The following GRM1 variants were observed in gnomAD, a reference collection of about 807,000 sequenced individuals.
GRM1 encodes metabotropic glutamate receptor 1.
GRM1 carries 33 observed loss-of-function variants against 90.9 expected under a neutral mutation model. The observed-to-expected ratio is 0.36, with a 90% CI of 0.28 to 0.49. The LOEUF is 0.49. Ranked by LOEUF, GRM1 falls within the 20% of genes least tolerant of loss-of-function variation. GRM1 has a pLI of 0.99. For missense variants in GRM1, 1,190 were observed against 1,534.3 expected (o/e 0.78, Z 3.75); for synonymous variants, 700 against 613.2 (o/e 1.14, Z -2.09).
intron 7 of GRM1, among the ~76,000 whole-genome samples, chr6:146,432,025 C>A (rs1482617277): frequency 6.6e-6 from 1 of 152,176 alleles, no homozygotes; most frequent in Non-Finnish European, 1.5e-5. Flanking sequence ...CACCACTGAC[C>A]TGTTCTTTAG....
At chr6:146,243,863 A>G (rs1780953831) in intron 2 of GRM1, among the ~76,000 whole-genome samples, 1 of 152,234 alleles carries the variant, frequency 6.6e-6, no homozygotes, top group East Asian at 1.9e-4. Context: ...TCCGTATAAG[A>G]CAGACATTCC....
rs1283922156 is a variant in GRM1, at chr6:146,301,056, CT to C, written c.951-3548del. 2.6e-5 allele frequency among the ~76,000 whole-genome samples: 4 copies of C among 152,088 alleles called. No homozygotes were observed. In the East Asian group the frequency reaches 5.8e-4, roughly 22 times the overall value. On this transcript the variant is annotated intron_variant, in intron 2 of 7. Coordinates refer to ENST00000282753, the MANE Select transcript of GRM1 (RefSeq NM_001278064.2). ...TTGCTTTAGAGATGTTTTCTAGTGA[CT>C]TTTTTTCATGATAGCATTCTCTAAC...
At chr6:146,352,579 C>T in intron 4 of GRM1, 83 bp downstream of exon 4, 1 of 1,407,354 alleles carries the variant, frequency 7.1e-7, no homozygotes, top group East Asian at 2.3e-5. Flanking sequence ...CATCTGGTTC[C>T]ATGGTTTCTG....
intron 3 of GRM1, among the ~76,000 whole-genome samples, chr6:146,321,899 G>A (rs1399829521): frequency 1.3e-5 from 2 of 152,074 alleles, no homozygotes; most frequent in East Asian, 3.9e-4. Context: ...TCACACTGAT[G>A]GGTCTTGACT....
intron 5 of GRM1, 116 bp from the exon 6 acceptor site, chr6:146,386,774 T>C: frequency 2.6e-6 from 2 of 760,644 alleles, no homozygotes; most frequent in Non-Finnish European, 4.5e-6. Context: ...CATATAAGAT[T>C]ATTTTCATAG....
intron 1 of GRM1, among the ~76,000 whole-genome samples, chr6:146,145,846 A>T (rs1777074334): frequency 6.6e-6 from 1 of 152,168 alleles, no homozygotes; most frequent in African/African-American, 2.4e-5. Flanking sequence ...GTGCAGTGCC[A>T]GTCTGGGACA....
At chr6:146,285,975 T>G (rs1210512259) in intron 2 of GRM1, among the ~76,000 whole-genome samples, 1 of 152,206 alleles carries the variant, frequency 6.6e-6, no homozygotes, top group Non-Finnish European at 1.5e-5. Context: ...AGGAAGTTAT[T>G]TTTTTGCATG....
In GRM1 at chr6:146,398,917, C is replaced by T; in HGVS notation, c.1878C>T (p.Ser626=). 7 of 1,614,102 alleles carry T rather than the reference C, an allele frequency of 4.3e-6. No individual in the cohort carries two copies. The highest frequency in any genetic ancestry group is 5.1e-6 in the Non-Finnish European group (6 of 1,179,990). ...LYRDTPVVKS[S]SRELCYIILA... is the part of the protein sequence containing the mutation. ...GGGACACACCAGTGGTCAAATCCTC[C>T]AGTCGGGAGCTCTGCTACATCATCC... The change falls in exon 7 of 8, where the codon TCC becomes TCT. Residue 626 remains serine, a synonymous_variant. Coordinates refer to ENST00000282753, the MANE Select transcript of GRM1 (RefSeq NM_001278064.2).
intron 1 of GRM1, among the ~76,000 whole-genome samples, chr6:146,117,777 A>T (rs1198369712): frequency 6.6e-6 from 1 of 152,126 alleles, no homozygotes; most frequent in Non-Finnish European, 1.5e-5. Context: ...CACATGTACA[A>T]TAGAGCTTTA....
intron 3 of GRM1, among the ~76,000 whole-genome samples, chr6:146,305,817 G>A (rs1406624339): frequency 1.3e-5 from 2 of 152,120 alleles, no homozygotes; most frequent in African/African-American, 4.8e-5. Flanking sequence ...AAACAAAGGG[G>A]GATAGAGAAG....
At chr6:146,337,912 A>C (rs2115008526) in intron 3 of GRM1, among the ~76,000 whole-genome samples, 2 of 152,376 alleles carry the variant, frequency 1.3e-5, no homozygotes, top group South Asian at 4.1e-4. Flanking sequence ...TATATTATAC[A>C]AAATGATAGT....
chr6:146,088,813 G>A (rs1195348429), intron 1 of GRM1, among the ~76,000 whole-genome samples: 1 of 152,042 alleles, frequency 6.6e-6, no homozygotes, highest in Non-Finnish European at 1.5e-5. Flanking sequence ...TCTTGCTAGG[G>A]GCAGTTTTCC....
intron 7 of GRM1, among the ~76,000 whole-genome samples, chr6:146,429,587 C>G (rs929723322): frequency 6.6e-6 from 1 of 152,174 alleles, no homozygotes; most frequent in Non-Finnish European, 1.5e-5. Context: ...GTTGAAATAT[C>G]TGGACAGCTG....
intron 1 of GRM1, among the ~76,000 whole-genome samples, chr6:146,125,648 T>C (rs554865009): frequency 1.3e-5 from 2 of 152,214 alleles, no homozygotes; most frequent in East Asian, 3.9e-4. Flanking sequence ...ATTTTGCGTT[T>C]ATCACATTTA....
At chr6:146,216,958 C>T (rs945377711) in intron 2 of GRM1, among the ~76,000 whole-genome samples, 1 of 152,080 alleles carries the variant, frequency 6.6e-6, no homozygotes. Context: ...CAATTTGGTG[C>T]AGGTGAAGTC....
At chr6:146,290,250 A>G (rs1782929855) in intron 2 of GRM1, among the ~76,000 whole-genome samples, 1 of 152,176 alleles carries the variant, frequency 6.6e-6, no homozygotes. Flanking sequence ...AACCAAAAAT[A>G]GAGATCAGAT....
In GRM1 at chr6:146,217,842, C is replaced by T. The variant is rs186450149; in HGVS notation, c.950+58245C>T. 1.5e-4 allele frequency among the ~76,000 whole-genome samples: 21 copies of T among 135,960 alleles called. No homozygotes were observed. In the East Asian group the frequency reaches 3.8e-3, roughly 24 times the overall value. The allele number at this position is 135,960 out of a possible 152,430, so 89.2% of individuals were successfully genotyped here. A position where few individuals can be genotyped will look rare whatever the true frequency, so the allele number is the denominator to read the frequency against. ...GGAATATTTGCAAGGTGAAGGCTTC[C>T]CAGAGAGGTGACTTTAGAGGCTTAT... is the stretch of plus-strand genomic sequence containing the variant. On this transcript the variant is annotated intron_variant, in intron 2 of 7. Coordinates refer to ENST00000282753, the MANE Select transcript of GRM1 (RefSeq NM_001278064.2).
chr6:146,356,066 A>G (rs1186885429), intron 4 of GRM1, among the ~76,000 whole-genome samples: 2 of 152,128 alleles, frequency 1.3e-5, no homozygotes, highest in Non-Finnish European at 2.9e-5. Flanking sequence ...GCAACATGGA[A>G]AGGAGATGTA....
At chr6:146,281,445 A>G (rs1163876962) in intron 2 of GRM1, among the ~76,000 whole-genome samples, 36 of 152,288 alleles carry the variant, frequency 2.4e-4, no homozygotes, top group Non-Finnish European at 2.9e-5. Context: ...CTCTTTTCCC[A>G]CTGAGCGAAC....
Sources: allele counts gnomAD v4.1 joint callset (sites outside exome capture counted in the v4.1 genomes callset), GRCh38; gene constraint gnomAD v4.1.1; transcripts MANE v1.5; gene names NCBI Gene and HGNC (gene_info 2026-07-23, HGNC 2026-07-21).